MTG2: variants seen among roughly 807,000 people sequenced by gnomAD.
The protein encoded by MTG2 is mitochondrial ribosome associated GTPase 2, also known as mitochondrial ribosome-associated GTPase 2.
A neutral mutation model predicts 28.6 loss-of-function variants in MTG2; 23 were observed. The observed-to-expected ratio is 0.80, with a 90% confidence interval of 0.58 to 1.14. MTG2 has a LOEUF of 1.14. Among genes scored for constraint, MTG2 ranks in the 50% most tolerant of loss-of-function variants. MTG2 has a pLI of 0.00. For synonymous variants in MTG2, 260 were observed against 251.8 expected (o/e 1.03, Z -0.31); for missense variants, 539 against 552.0 (o/e 0.98, Z 0.24).
At chr20:62,188,027 A>T (rs1472780641) in intron 1 of MTG2, among the ~76,000 whole-genome samples, 1 of 150,834 alleles carries the variant, frequency 6.6e-6, no homozygotes, top group Non-Finnish European at 1.5e-5. Context: ...GCTACTCGGG[A>T]GGCTGAGGCA....
At chr20:62,189,664 C>CCTTTTTTTT (rs750430757) in intron 1 of MTG2, among the ~76,000 whole-genome samples, 2 of 113,650 alleles carry the variant, frequency 1.8e-5, no homozygotes, top group Non-Finnish European at 1.9e-5. Context: ...TAAACATTAA[C>CCTTTTTTTT]TTTTTTTTTT....
At chr20:62,193,374 CATTAA>C in intron 1 of MTG2, 37 bp from the exon 2 acceptor site, 4 of 1,588,484 alleles carry the variant, frequency 2.5e-6, no homozygotes, top group Non-Finnish European at 3.5e-6. Flanking sequence ...TCATGCCCAG[CATTAA>C]ACCAAGTATC....
intron 1 of MTG2, chr20:62,188,950 T>C (rs914476676): frequency 6.6e-6 from 1 of 152,216 alleles, no homozygotes; most frequent in Non-Finnish European, 1.5e-5. Flanking sequence ...TGTACTGTTA[T>C]GTAAATGTCA....
intron 1 of MTG2, among the ~76,000 whole-genome samples, chr20:62,192,720 G>A (rs535675641): frequency 6.6e-6 from 1 of 152,258 alleles, no homozygotes; most frequent in South Asian, 2.1e-4. Context: ...GGATTTAGGA[G>A]CTCTGTGTCA....
chr20:62,193,176 AT>A (rs2057993922), intron 1 of MTG2, among the ~76,000 whole-genome samples: 1 of 152,140 alleles, frequency 6.6e-6, no homozygotes, highest in African/African-American at 2.4e-5. Context: ...GGAAGATTTC[AT>A]GTTTTAAATC....
intron 1 of MTG2, among the ~76,000 whole-genome samples, chr20:62,191,932 G>A (rs1217289192): frequency 1.3e-5 from 2 of 152,226 alleles, no homozygotes; most frequent in Non-Finnish European, 2.9e-5. Context: ...GCTTAAATGA[G>A]GCTTTGAGAG....
At chr20:62,188,851 C>T (rs745706184) in intron 1 of MTG2, 1 of 151,460 alleles carries the variant, frequency 6.6e-6, no homozygotes, top group Non-Finnish European at 1.5e-5. Flanking sequence ...GATTTCTTCT[C>T]AATGTATTGA....
At chr20:62,193,862 G>A (rs757686899) in intron 2 of MTG2, 1 of 529,290 alleles carries the variant, frequency 1.9e-6, no homozygotes, top group Non-Finnish European at 3.4e-6. Flanking sequence ...CCGTGATACA[G>A]GCTGCTCATT....
Position 62,199,112 on chromosome 20 carries a change from C to A in MTG2, c.688-7C>A. Reference sequence around the variant, plus strand: ...GGCCGTGCCACCGTCTTCCCTCTTTCCCCCAGGTGGGATTCCCCAACGCCG... The same window carrying A: ...GGCCGTGCCACCGTCTTCCCTCTTTACCCCAGGTGGGATTCCCCAACGCCG... On this transcript the variant is annotated splice_region_variant and splice_polypyrimidine_tract_variant and intron_variant, in intron 5 of 6. Coordinates refer to ENST00000370823, the MANE Select transcript of MTG2 (RefSeq NM_015666.4). 6.2e-7 allele frequency: 1 copy of A among 1,613,840 alleles called. No individual in the cohort carries two copies. Among genetic ancestry groups the A allele is most frequent in the Non-Finnish European group, 8.5e-7 (1 of 1,179,834 alleles).
Position 62,196,621 on chromosome 20 carries a change from G to A in MTG2, c.352+672G>A, listed in dbSNP as rs148383848. Among the ~76,000 whole-genome samples, 103 of 152,152 alleles carry A rather than the reference G, an allele frequency of 6.8e-4. 1 individual carries two copies. In the East Asian group the frequency reaches 8.5e-3, roughly 13 times the overall value. On this transcript the variant is annotated intron_variant, in intron 3 of 6. Transcript: ENST00000370823. ...GGAGGTCGAGGTTGCAGTGAGCTCC[G>A]ATTGTGCTGCTGCACTCCAGCCTGG...
chr20:62,184,085 G>A (rs1345258432), intron 1 of MTG2, among the ~76,000 whole-genome samples: 4 of 152,250 alleles, frequency 2.6e-5, no homozygotes, highest in Non-Finnish European at 5.9e-5. Context: ...TCCGCTGGGC[G>A]CGGTGGCTCA....
At chr20:62,194,622 T>A (rs916755274) in intron 2 of MTG2, among the ~76,000 whole-genome samples, 1 of 151,720 alleles carries the variant, frequency 6.6e-6, no homozygotes, top group East Asian at 1.9e-4. Flanking sequence ...GTTTAAAAAT[T>A]TTAAATGTTT....
In MTG2 at chr20:62,200,924, G is replaced by A; in HGVS notation, c.1068G>A (p.Leu356=). 6.2e-7 allele frequency: 1 copy of A among 1,614,096 alleles called. No individual in the cohort carries two copies. Among genetic ancestry groups the A allele is most frequent in the East Asian group, 2.2e-5 (1 of 44,884 alleles). Residue 356 remains leucine (L), a synonymous_variant, in exon 7 of 7, where the codon CTG becomes CTA. Coordinates refer to ENST00000370823, the MANE Select transcript of MTG2 (RefSeq NM_015666.4). The stretch of plus-strand genomic sequence containing the variant: ...ACCTCCCTGAAGCCCAAGCCAATCT[G>A]TCCCAGCTCCGGGATCACTTGGGAC... ...KIDLPEAQAN[L]SQLRDHLGQE...
chr20:62,185,740 C>T (rs2057830441), intron 1 of MTG2, among the ~76,000 whole-genome samples: 1 of 152,192 alleles, frequency 6.6e-6, no homozygotes, highest in South Asian at 2.1e-4. Flanking sequence ...GATGTTACCT[C>T]AGGGACTGAG....
Position 62,193,399 on chromosome 20 carries a change from CA to C in MTG2, c.-5-15del. The C allele has an allele frequency of 6.2e-7, 1 of 1,612,520 alleles. No homozygotes were observed. Among genetic ancestry groups the C allele is most frequent in the Non-Finnish European group, 8.5e-7 (1 of 1,178,754 alleles). On this transcript the variant is annotated splice_polypyrimidine_tract_variant and intron_variant, in intron 1 of 6. Coordinates refer to ENST00000370823, the MANE Select transcript of MTG2 (RefSeq NM_015666.4). ...CATTAAACCAAGTATCTCATTTTGC[CA>C]ATTTGACTTCTGTAGGGGCCATGGC...
At chr20:62,195,676 A>T (rs1022431850) in intron 2 of MTG2, 126 bp from the exon 3 acceptor site, 1 of 1,112,142 alleles carries the variant, frequency 9.0e-7, no homozygotes. Flanking sequence ...TAGCAATATT[A>T]GTGTCATTAA....
At chr20:62,191,667 G>A (rs879626430) in intron 1 of MTG2, among the ~76,000 whole-genome samples, 2 of 152,192 alleles carry the variant, frequency 1.3e-5, no homozygotes, top group East Asian at 1.9e-4. Flanking sequence ...CTCTGGCCCC[G>A]TGTTGAGTTT....
chr20:62,188,454 C>T (rs183168443), intron 1 of MTG2, among the ~76,000 whole-genome samples: 1 of 151,432 alleles, frequency 6.6e-6, no homozygotes, highest in African/African-American at 2.4e-5. Flanking sequence ...CCACCTTAGC[C>T]TCCTAAGTAG....
chr20:62,193,496 T>A lies in MTG2; in HGVS notation c.76T>A (p.Trp26Arg). The part of the protein sequence containing the change: ...QGVGHWALST[W>R]AGLKPSRLLP... ...CGTGGGGCATTGGGCTTTGTCCACA[T>A]GGGCTGGCCTGAAGCCCAGCCGGCT... Residue 26 changes from tryptophan to arginine, a missense_variant, in exon 2 of 7, where the codon TGG (tryptophan) becomes AGG (arginine). Transcript: ENST00000370823. 6.2e-7 allele frequency: 1 copy of A among 1,614,176 alleles called. No individual in the cohort carries two copies. Among genetic ancestry groups the A allele is most frequent in the Non-Finnish European group, 8.5e-7 (1 of 1,180,048 alleles).
Sources: allele counts gnomAD v4.1 joint callset (sites outside exome capture counted in the v4.1 genomes callset), GRCh38; gene constraint gnomAD v4.1.1; transcripts MANE v1.5; gene names NCBI Gene and HGNC (gene_info 2026-07-23, HGNC 2026-07-21).